The following FSD2 variants were observed in gnomAD, a reference collection of about 807,000 sequenced individuals.
FSD2 encodes the protein fibronectin type III and SPRY domain containing 2.
FSD2 carries 71 observed loss-of-function variants against 80.4 expected under a neutral mutation model. The ratio of observed to expected loss-of-function variants is 0.88; its 90% CI spans 0.73 to 1.08. FSD2 has a LOEUF of 1.08. Among genes scored for constraint, FSD2 ranks in the 50% least tolerant of loss-of-function variants. The probability of loss-of-function intolerance (pLI) is 0.00; values close to 1 mark genes in which losing one functional copy is unlikely to be tolerated. For missense variants in FSD2, 923 were observed against 913.8 expected (o/e 1.01, Z -0.13); for synonymous variants, 361 against 329.5 (o/e 1.10, Z -1.03).
intron 10 of FSD2, 34 bp downstream of exon 10, chr15:82,765,864 G>A (rs761094573): frequency 1.4e-5 from 22 of 1,576,094 alleles, no homozygotes; most frequent in Admixed American, 1.8e-5. Context: ...TGGCCACTTT[G>A]GGTCCCAGAG....
At chr15:82,777,745 G>T (rs2049746378) in intron 6 of FSD2, among the ~76,000 whole-genome samples, 1 of 151,612 alleles carries the variant, frequency 6.6e-6, no homozygotes, top group Non-Finnish European at 1.5e-5. Flanking sequence ...TACTTAGGAG[G>T]CTGAGACTGG....
At chr15:82,771,013 G>A (rs1257791565) in intron 7 of FSD2, among the ~76,000 whole-genome samples, 1 of 151,642 alleles carries the variant, frequency 6.6e-6, no homozygotes, top group Non-Finnish European at 1.5e-5. Context: ...AAAGCTCCTC[G>A]CCCCTCTCCA....
chr15:82,794,726 CTT>C lies in FSD2; in HGVS notation c.-78-7260_-78-7259del, dbSNP rs56731193. 7.4e-3 allele frequency among the ~76,000 whole-genome samples: 1,000 copies of C among 134,904 alleles called. 10 individuals are homozygous for C. The highest frequency in any genetic ancestry group is 0.025 in the African/African-American group (931 of 37,056). The allele number at this position is 134,904 out of a possible 152,430, so 88.5% of individuals were successfully genotyped here. On this transcript the variant is annotated intron_variant, in intron 1 of 12. Transcript: ENST00000334574. ...ATCTTTTTGATGGATTGGCTCTTTT[CTT>C]TTTTTTTTTTTTTTGAGAAGGAGTC...
chr15:82,780,494 C>T (rs1041597377), intron 4 of FSD2, among the ~76,000 whole-genome samples: 2 of 151,684 alleles, frequency 1.3e-5, no homozygotes, highest in Non-Finnish European at 2.9e-5. Context: ...ACCACCACAC[C>T]CAGCTAATTT....
chr15:82,772,292 T>G (rs1307711192), intron 6 of FSD2, 64 bp from the exon 7 acceptor site: 3 of 1,493,912 alleles, frequency 2.0e-6, no homozygotes, highest in African/African-American at 2.8e-5. Context: ...CAGTGGCCCC[T>G]TTCCCATGAC....
At chr15:82,768,587 A>G (rs2049479146) in intron 9 of FSD2, among the ~76,000 whole-genome samples, 1 of 146,720 alleles carries the variant, frequency 6.8e-6, no homozygotes, top group Admixed American at 6.9e-5. Context: ...CAGGCACTCA[A>G]TGCATGTTGA....
chr15:82,762,178 C>G lies in FSD2; in HGVS notation c.1921G>C (p.Ala641Pro). The G allele has an allele frequency of 2.5e-6, 4 of 1,613,574 alleles. No individual in the cohort carries two copies. Among genetic ancestry groups the G allele is most frequent in the Non-Finnish European group, 3.4e-6 (4 of 1,179,740 alleles). The change falls in exon 12 of 13, where the codon GCA becomes CCA. Residue 641 changes from alanine to proline, a missense_variant. By Grantham distance (27) the Ala-to-Pro change is conservative. Transcript: ENST00000334574. The stretch of plus-strand genomic sequence containing the variant: ...AGATCCTCCTGTTTACGGACATCTG[C>G]AAAGGCCACACCAACTCTGTAGTCC... ...HLDYRVGVAF[A>P]DVRKQEDLGA...
chr15:82,800,214 T>C (rs1251654981), intron 1 of FSD2, among the ~76,000 whole-genome samples: 1 of 152,138 alleles, frequency 6.6e-6, no homozygotes, highest in Non-Finnish European at 1.5e-5. Context: ...CCAGCCAGGC[T>C]CTGCTCACTG....
chr15:82,778,686 T>A (rs2049779365), intron 6 of FSD2, 80 bp downstream of exon 6: 2 of 1,455,390 alleles, frequency 1.4e-6, no homozygotes, highest in Admixed American at 2.5e-5. Context: ...ATAGATCTCA[T>A]GCTAAGTGTT....
At position 82,778,751 on chromosome 15, in the gene FSD2, C is replaced by T. The variant is rs1027695609; in HGVS notation, c.1111+15G>A. On this transcript the variant is annotated intron_variant, in intron 6 of 12. Transcript: ENST00000334574. ...TAGTCTGAACCTGCCGCGAAGTACA[C>T]ACACAGGTGAGCACCTGGAATGGTG... 1.9e-6 allele frequency: 3 copies of T among 1,600,162 alleles called. No individual in the cohort carries two copies. Among genetic ancestry groups the T allele is most frequent in the African/African-American group, 1.3e-5 (1 of 74,680 alleles).
intron 3 of FSD2, among the ~76,000 whole-genome samples, chr15:82,785,011 TG>T (rs1405991712): frequency 6.6e-6 from 1 of 152,170 alleles, no homozygotes; most frequent in Non-Finnish European, 1.5e-5. Flanking sequence ...AAAAACGGGA[TG>T]GGTATCCTGT....
intron 1 of FSD2, among the ~76,000 whole-genome samples, chr15:82,788,107 C>A (rs1330770828): frequency 6.6e-6 from 1 of 152,066 alleles, no homozygotes; most frequent in East Asian, 1.9e-4. Context: ...AAAGTGGCAT[C>A]TCAATAGATG....
intron 1 of FSD2, among the ~76,000 whole-genome samples, chr15:82,802,205 C>T (rs1383235012): frequency 6.6e-6 from 1 of 152,152 alleles, no homozygotes; most frequent in African/African-American, 2.4e-5. Flanking sequence ...ACTGAATCTG[C>T]ATCCCAGCAA....
chr15:82,789,163 G>C (rs1256887947), intron 1 of FSD2, among the ~76,000 whole-genome samples: 1 of 151,950 alleles, frequency 6.6e-6, no homozygotes, highest in East Asian at 1.9e-4. Flanking sequence ...TTAATGATTA[G>C]GAGAAGGGCT....
Position 82,768,885 on chromosome 15 carries a change from T to C in FSD2, c.1548A>G (p.Val516=). ...CAAATGCCCTCATGACTCACTCAGT[T>C]ACACCCGAGGCTTCTGGACTTTCAG... ...TQAESPEASG[V]TESVVGIPTC... The change falls in exon 9 of 13, where the codon GTA becomes GTG. Residue 516 remains valine, a synonymous_variant. Transcript: ENST00000334574. The C allele has an allele frequency of 6.5e-7, 1 of 1,543,088 alleles. No individual in the cohort carries two copies. Among genetic ancestry groups the C allele is most frequent in the South Asian group, 1.3e-5 (1 of 75,564 alleles).
Position 82,782,823 on chromosome 15 carries a change from C to G in FSD2, c.938G>C (p.Cys313Ser). ...TATGAAATCCACCTTCTCCTCGTGA[C>G]ACATCTCCTCTATTGTTTCCATCAG... ...KELMETIEEM[C>S]HEEKVDFIKD... Residue 313 changes from cysteine (C) to serine (S), a missense_variant, in exon 4 of 13, where the codon TGT becomes TCT. Transcript: ENST00000334574. The G allele has an allele frequency of 6.2e-7, 1 of 1,612,670 alleles. No individual in the cohort carries two copies. Among genetic ancestry groups the G allele is most frequent in the Non-Finnish European group, 8.5e-7 (1 of 1,179,536 alleles).
intron 6 of FSD2, among the ~76,000 whole-genome samples, chr15:82,773,704 C>T (rs191780455): frequency 1.3e-5 from 2 of 152,066 alleles, no homozygotes; most frequent in East Asian, 3.9e-4. Context: ...GAATGGTCCC[C>T]AAGATCTATG....
chr15:82,790,566 G>A (rs903968982), intron 1 of FSD2, among the ~76,000 whole-genome samples: 2 of 150,860 alleles, frequency 1.3e-5, no homozygotes, highest in Non-Finnish European at 3.0e-5. Flanking sequence ...GTGTGTGTGT[G>A]TTCGTGCGTG....
chr15:82,773,885 ACAG>A (rs1026880300), intron 6 of FSD2, among the ~76,000 whole-genome samples: 6 of 152,202 alleles, frequency 3.9e-5, no homozygotes, highest in Admixed American at 6.5e-5. Context: ...TGCTGAAAAA[ACAG>A]CAGATTTCAA....
Sources: allele counts gnomAD v4.1 joint callset (sites outside exome capture counted in the v4.1 genomes callset), GRCh38; gene constraint gnomAD v4.1.1; transcripts MANE v1.5; gene names NCBI Gene and HGNC (gene_info 2026-07-23, HGNC 2026-07-21).